The following PPARG variants were observed in gnomAD, a reference collection of about 807,000 sequenced individuals.
PPARG encodes the protein peroxisome proliferator activated receptor gamma.
A neutral mutation model predicts 39.2 loss-of-function variants in PPARG; 17 were observed. The ratio of observed to expected loss-of-function variants is 0.43; its 90% CI spans 0.30 to 0.65. The LOEUF (loss-of-function observed/expected upper bound fraction) is 0.65, where lower values mean the gene tolerates loss of function less well. Ranked by LOEUF, PPARG falls within the 30% of genes least tolerant of loss-of-function variation. The pLI is 0.13. For missense variants in PPARG, 406 were observed against 585.9 expected, an observed-to-expected ratio of 0.69 and a Z score of 3.17; for synonymous variants, 223 against 215.7, an observed-to-expected ratio of 1.03 and a Z score of -0.30.
At chr3:12,411,930 AGT>A (rs1176440564) in intron 6 of PPARG, among the ~76,000 whole-genome samples, 1 of 152,204 alleles carries the variant, frequency 6.6e-6, no homozygotes, top group African/African-American at 2.4e-5. Flanking sequence ...CTAAGAATTC[AGT>A]GTCTTTCCCT....
chr3:12,343,276 C>T (rs2048236205), intron 2 of PPARG, among the ~76,000 whole-genome samples: 1 of 152,156 alleles, frequency 6.6e-6, no homozygotes, highest in African/African-American at 2.4e-5. Flanking sequence ...ACTCTGTTCC[C>T]TTTCCTTGTT....
chr3:12,389,672 C>G (rs1180395058), intron 4 of PPARG, among the ~76,000 whole-genome samples: 3 of 152,124 alleles, frequency 2.0e-5, no homozygotes, highest in Non-Finnish European at 4.4e-5. Context: ...GGGTGGATCA[C>G]TTGAGGCTGG....
At chr3:12,300,701 A>G (rs1319373195) in intron 1 of PPARG, among the ~76,000 whole-genome samples, 1 of 152,058 alleles carries the variant, frequency 6.6e-6, no homozygotes, top group Non-Finnish European at 1.5e-5. Flanking sequence ...ATGGAATCTG[A>G]TATATTCCAT....
chr3:12,346,102 A>G (rs1006915168), intron 2 of PPARG, among the ~76,000 whole-genome samples: 1 of 152,230 alleles, frequency 6.6e-6, no homozygotes, highest in Non-Finnish European at 1.5e-5. Context: ...AAAAGTGTTT[A>G]GTTGATCCCT....
intron 4 of PPARG, among the ~76,000 whole-genome samples, chr3:12,392,059 A>G (rs2050095486): frequency 6.6e-6 from 1 of 152,226 alleles, no homozygotes; most frequent in African/African-American, 2.4e-5. Context: ...TGTAAGCCAC[A>G]ACAATGATGG....
chr3:12,411,539 T>C (rs2050879532), intron 6 of PPARG, among the ~76,000 whole-genome samples: 1 of 152,062 alleles, frequency 6.6e-6, no homozygotes, highest in Non-Finnish European at 1.5e-5. Flanking sequence ...ACAATCATTT[T>C]AAAAGGAAAA....
intron 2 of PPARG, among the ~76,000 whole-genome samples, chr3:12,371,345 G>A (rs768207767): frequency 2.0e-5 from 3 of 152,082 alleles, no homozygotes; most frequent in Non-Finnish European, 2.9e-5. Flanking sequence ...ACGGCACAAA[G>A]CAAGCAAACA....
At chr3:12,334,697 A>T (rs1351658852) in intron 2 of PPARG, among the ~76,000 whole-genome samples, 1 of 152,156 alleles carries the variant, frequency 6.6e-6, no homozygotes, top group African/African-American at 2.4e-5. Context: ...TGAACTCTAA[A>T]AGACTATACA....
At chr3:12,377,105 C>T (rs4135259) in intron 2 of PPARG, among the ~76,000 whole-genome samples, 19 of 152,192 alleles carry the variant, frequency 1.2e-4, no homozygotes, top group Non-Finnish European at 2.4e-4. Flanking sequence ...CTCGGTGGCT[C>T]ACAAGTTCAC....
At chr3:12,382,403 T>C (rs572404809) in intron 4 of PPARG, among the ~76,000 whole-genome samples, 50 of 152,284 alleles carry the variant, frequency 3.3e-4, no homozygotes, top group Middle Eastern at 6.8e-3. Flanking sequence ...AATGCAAAAA[T>C]AGTACTAATT....
At chr3:12,325,629 T>G (rs554897446) in intron 2 of PPARG, among the ~76,000 whole-genome samples, 2 of 151,494 alleles carry the variant, frequency 1.3e-5, no homozygotes, top group African/African-American at 4.8e-5. Context: ...AAATAAAGGC[T>G]TAGTATAGAA....
intron 1 of PPARG, among the ~76,000 whole-genome samples, chr3:12,293,406 C>T (rs2046698897): frequency 6.6e-6 from 1 of 152,024 alleles, no homozygotes; most frequent in Non-Finnish European, 1.5e-5. Context: ...GTGGATATGA[C>T]ATATTGAGTC....
At chr3:12,390,356 A>G (rs2050024327) in intron 4 of PPARG, among the ~76,000 whole-genome samples, 2 of 152,200 alleles carry the variant, frequency 1.3e-5, no homozygotes, top group Admixed American at 1.3e-4. Context: ...AACTCTTCTC[A>G]TAATAGCAAA....
chr3:12,331,108 C>A (rs2125047227), intron 2 of PPARG, among the ~76,000 whole-genome samples: 1 of 152,258 alleles, frequency 6.6e-6, no homozygotes, highest in Non-Finnish European at 1.5e-5. Context: ...TCTCAGTGTT[C>A]TTTGTTACTA....
intron 1 of PPARG, among the ~76,000 whole-genome samples, chr3:12,295,537 G>C (rs984201795): frequency 6.7e-6 from 1 of 149,718 alleles, no homozygotes; most frequent in Non-Finnish European, 1.5e-5. Context: ...TTTTGAGATG[G>C]AGTTTCGCTC....
intron 2 of PPARG, among the ~76,000 whole-genome samples, chr3:12,373,189 T>A (rs1337615694): frequency 6.6e-6 from 1 of 152,102 alleles, no homozygotes; most frequent in East Asian, 1.9e-4. Context: ...CATCTCTAAG[T>A]CAAAATAAAA....
At chr3:12,406,562 TGTC>T (rs1239770450) in intron 6 of PPARG, 1 of 150,068 alleles carries the variant, frequency 6.7e-6, no homozygotes, top group East Asian at 1.8e-4. Context: ...TTTTTTGAGA[TGTC>T]GTCTCACTTT....
At chr3:12,418,209 T>C (rs572610217) in intron 7 of PPARG, among the ~76,000 whole-genome samples, 55 of 152,258 alleles carry the variant, frequency 3.6e-4, no homozygotes, top group Admixed American at 7.2e-4. Context: ...CCTCAAGCAA[T>C]CTTCTCACCT....
intron 1 of PPARG, 116 bp from the exon 2 acceptor site, chr3:12,312,264 A>G (rs1356578596): frequency 1.3e-5 from 2 of 152,252 alleles, no homozygotes; most frequent in African/African-American, 2.4e-5. Context: ...ATGAAATCCA[A>G]TAGAGAAGGT....
Sources: gnomAD v4.1 joint callset for allele counts (sites outside exome capture counted in the v4.1 genomes callset) on GRCh38, gnomAD v4.1.1 for gene constraint, MANE v1.5 for transcripts, NCBI Gene and HGNC (gene_info 2026-07-23, HGNC 2026-07-21) for gene names.